The following PTCHD4 variants were observed in gnomAD, a reference collection of about 807,000 sequenced individuals.
PTCHD4 encodes the protein patched domain containing 4.
PTCHD4 carries 33 observed loss-of-function variants against 58.1 expected under a neutral mutation model. That is an observed-to-expected ratio of 0.57 (90% confidence interval 0.43 to 0.76). The LOEUF is 0.76. Among genes scored for constraint, PTCHD4 ranks in the 30% least tolerant of loss-of-function variants. The pLI, the probability that PTCHD4 is intolerant of heterozygous loss-of-function variation, is 0.00. For synonymous variants in PTCHD4, 478 were observed against 409.6 expected (o/e 1.17, Z -2.02); for missense variants, 1,058 against 1,027.1 (o/e 1.03, Z -0.41).
At position 47,869,030 on chromosome 6, in the gene PTCHD4, T is replaced by C. The variant is rs1388765255; in HGVS notation, c.*9273A>G. On this transcript the variant is annotated 3_prime_UTR_variant, in exon 5 of 5. Coordinates refer to ENST00000339488, the MANE Select transcript of PTCHD4 (RefSeq NM_001384253.1). ...ATCATACGTCAATAATGAGGAGAGCTTTGCAATGATAAAGCTTTTGAAGTG... is the reference window on the plus strand; with the variant it reads ...ATCATACGTCAATAATGAGGAGAGCCTTGCAATGATAAAGCTTTTGAAGTG... Among the ~76,000 whole-genome samples the C allele has an allele frequency of 6.6e-6, 1 of 151,688 alleles. No individual in the cohort carries two copies. The highest frequency in any genetic ancestry group is 1.9e-4 in the East Asian group (1 of 5,140).
rs1278466435 is a variant in PTCHD4 at position 47,890,751 on chromosome 6, C to T, written c.899-10815G>A. ...TCCCGGAGCTCTCTTTTCAGCTTTCCTTGCTGCAGGGCCTTGGTGCTGCCA... is the reference window on the plus strand; with the variant it reads ...TCCCGGAGCTCTCTTTTCAGCTTTCTTTGCTGCAGGGCCTTGGTGCTGCCA... On this transcript the variant is annotated intron_variant, in intron 4 of 4. Coordinates refer to ENST00000339488, the MANE Select transcript of PTCHD4 (RefSeq NM_001384253.1). 3 of 273,720 alleles carry T rather than the reference C, an allele frequency of 1.1e-5. No individual in the cohort carries two copies. The East Asian group carries it at 5.3e-4, about 49-fold the overall frequency. 17.0% of individuals were successfully genotyped at this position (273,720 alleles called of 1,614,324 possible).
chr6:47,864,211 A>T lies in PTCHD4; in HGVS notation c.*14092T>A, dbSNP rs2114063777. ...AATCAGAACCTCTGGAGATGGGGATATGCAGGCTGTGCTTTGACAAGCCCT... is the reference window on the plus strand; with the variant it reads ...AATCAGAACCTCTGGAGATGGGGATTTGCAGGCTGTGCTTTGACAAGCCCT... On this transcript the variant is annotated 3_prime_UTR_variant, in exon 5 of 5. Coordinates refer to ENST00000339488, the MANE Select transcript of PTCHD4 (RefSeq NM_001384253.1). 6.6e-6 allele frequency among the ~76,000 whole-genome samples: 1 copy of T among 152,058 alleles called. No individual in the cohort carries two copies. The highest frequency in any genetic ancestry group is 1.9e-4 in the East Asian group (1 of 5,136).
chr6:47,933,485 T>C (rs1765893010), intron 4 of PTCHD4, among the ~76,000 whole-genome samples: 1 of 152,236 alleles, frequency 6.6e-6, no homozygotes, highest in Non-Finnish European at 1.5e-5. Flanking sequence ...AAAGTGATTA[T>C]AAATATTTAT....
At chr6:47,987,253 G>T (rs1279669483) in intron 4 of PTCHD4, among the ~76,000 whole-genome samples, 6 of 127,866 alleles carry the variant, frequency 4.7e-5, no homozygotes, top group South Asian at 3.1e-4. Flanking sequence ...AACTGTTGTG[G>T]GTGGGGGGAG....
intron 3 of PTCHD4, among the ~76,000 whole-genome samples, chr6:48,042,752 G>C (rs1763890079): frequency 6.6e-6 from 1 of 151,784 alleles, no homozygotes; most frequent in Non-Finnish European, 1.5e-5. Context: ...GCAGTTTCTA[G>C]GTCTTGCTTT....
At chr6:48,104,928 A>G (rs1196497809) in intron 1 of PTCHD4, among the ~76,000 whole-genome samples, 2 of 152,232 alleles carry the variant, frequency 1.3e-5, no homozygotes, top group Non-Finnish European at 2.9e-5. Flanking sequence ...TGCACCCAAT[A>G]CAGGAGCACC....
chr6:48,098,380 C>T (rs1358848032), intron 1 of PTCHD4, among the ~76,000 whole-genome samples: 1 of 121,772 alleles, frequency 8.2e-6, no homozygotes, highest in Non-Finnish European at 1.8e-5. Flanking sequence ...GCTCTGTTGC[C>T]TAGGCTGGAG....
rs1008333607 is a variant in PTCHD4, at chr6:47,864,097, C to T, written c.*14206G>A. On this transcript the variant is annotated 3_prime_UTR_variant, in exon 5 of 5. Coordinates refer to ENST00000339488, the MANE Select transcript of PTCHD4 (RefSeq NM_001384253.1). ...CTTAGATTTCAGAGATTTTCAAAGT[C>T]CAAGTGTGGTTCCTCAGACTAGTAG... Among the ~76,000 whole-genome samples the T allele has an allele frequency of 2.0e-5, 3 of 151,882 alleles. No individual in the cohort carries two copies. The highest frequency in any genetic ancestry group is 1.3e-4 in the Admixed American group (2 of 15,230).
In PTCHD4 at chr6:48,009,960, T is replaced by C. The variant is rs1199715247; in HGVS notation, c.418-846A>G. 2.6e-5 allele frequency among the ~76,000 whole-genome samples: 4 copies of C among 152,338 alleles called. No homozygotes were observed. In the South Asian group the frequency reaches 6.2e-4, roughly 24 times the overall value. On this transcript the variant is annotated intron_variant, in intron 3 of 4. Coordinates refer to ENST00000339488, the MANE Select transcript of PTCHD4 (RefSeq NM_001384253.1). ...AGCAATCACTGCTCTTTAAGGCACA[T>C]GTATGTGGCCGAAGAGTTACTAAAA...
At chr6:48,008,588 G>T in intron 4 of PTCHD4, 46 bp downstream of exon 4, 2 of 1,578,650 alleles carry the variant, frequency 1.3e-6, no homozygotes, top group Non-Finnish European at 1.7e-6. Context: ...ATACTACCTT[G>T]CCCCAAACCG....
chr6:48,090,915 C>T (rs1765353300), intron 1 of PTCHD4, among the ~76,000 whole-genome samples: 1 of 152,088 alleles, frequency 6.6e-6, no homozygotes, highest in Admixed American at 6.6e-5. Flanking sequence ...TTTTTTACAA[C>T]TTTAATTTGT....
chr6:47,942,155 C>T (rs1766254454), intron 4 of PTCHD4, among the ~76,000 whole-genome samples: 1 of 152,212 alleles, frequency 6.6e-6, no homozygotes, highest in African/African-American at 2.4e-5. Context: ...ATCAAACACA[C>T]TCTCAAAGGA....
At chr6:47,978,102 C>T (rs1018931397) in intron 4 of PTCHD4, among the ~76,000 whole-genome samples, 1 of 152,054 alleles carries the variant, frequency 6.6e-6, no homozygotes, top group Non-Finnish European at 1.5e-5. Context: ...CTCCCTCATC[C>T]TTTCCCCCCT....
chr6:48,070,006 A>G (rs1441011407), intron 1 of PTCHD4, among the ~76,000 whole-genome samples, 80 bp from the exon 2 acceptor site: 2 of 152,166 alleles, frequency 1.3e-5, no homozygotes, highest in Non-Finnish European at 2.9e-5. Flanking sequence ...CCTTCACTGT[A>G]TAAGAAAGAA....
chr6:47,997,224 G>A (rs1460092998), intron 4 of PTCHD4, among the ~76,000 whole-genome samples: 1 of 152,058 alleles, frequency 6.6e-6, no homozygotes, highest in Non-Finnish European at 1.5e-5. Context: ...GATGAAGTGA[G>A]CCAGTTAACC....
chr6:47,872,332 TC>T lies in PTCHD4; in HGVS notation c.*5970del, dbSNP rs1364587468. Among the ~76,000 whole-genome samples the T allele has an allele frequency of 6.6e-6, 1 of 151,670 alleles. No homozygotes were observed. The highest frequency in any genetic ancestry group is 6.6e-5 in the Admixed American group (1 of 15,184). On this transcript the variant is annotated 3_prime_UTR_variant, in exon 5 of 5. Transcript: ENST00000339488. ...GTCTTCCAAAGCATTAGAATTTTTT[TC>T]CCCCTCTGGTTTGACAGAGCCTTGT... is the stretch of plus-strand genomic sequence containing the variant.
At chr6:48,108,578 T>A (rs1765796635) in intron 1 of PTCHD4, among the ~76,000 whole-genome samples, 1 of 152,042 alleles carries the variant, frequency 6.6e-6, no homozygotes, top group Non-Finnish European at 1.5e-5. Flanking sequence ...GTTGTGCATA[T>A]GTATCCTAAA....
intron 3 of PTCHD4, among the ~76,000 whole-genome samples, chr6:48,028,289 A>G (rs1763320402): frequency 6.6e-6 from 1 of 151,942 alleles, no homozygotes; most frequent in South Asian, 2.1e-4. Flanking sequence ...TATATGAGGT[A>G]TGAAAGGTTT....
At chr6:47,881,899 A>G (rs114623434) in intron 4 of PTCHD4, among the ~76,000 whole-genome samples, 91 of 152,188 alleles carry the variant, frequency 6.0e-4, no homozygotes, top group African/African-American at 2.1e-3. Context: ...AACAAGTAGA[A>G]AGGTTCGTGT....
Sources: allele counts gnomAD v4.1 joint callset (sites outside exome capture counted in the v4.1 genomes callset), GRCh38; gene constraint gnomAD v4.1.1; transcripts MANE v1.5; gene names NCBI Gene and HGNC (gene_info 2026-07-23, HGNC 2026-07-21).